ZNRF2: variants seen among roughly 807,000 people sequenced by gnomAD.
ZNRF2 encodes the protein zinc and ring finger 2.
Under a neutral mutation model 20.4 loss-of-function variants are expected in ZNRF2, and 16 were observed. The ratio of observed to expected loss-of-function variants is 0.79; its 90% CI spans 0.53 to 1.19. The LOEUF (loss-of-function observed/expected upper bound fraction) is 1.19. ZNRF2 is among the 50% of genes most tolerant of loss of function. The pLI, the probability that ZNRF2 is intolerant of heterozygous loss-of-function variation, is 0.00. For synonymous variants in ZNRF2, 178 were observed against 144.9 expected (o/e 1.23, Z -1.64); for missense variants, 363 against 332.4 (o/e 1.09, Z -0.72).
At chr7:30,320,265 T>C (rs1799448574) in intron 1 of ZNRF2, among the ~76,000 whole-genome samples, 1 of 152,126 alleles carries the variant, frequency 6.6e-6, no homozygotes, top group South Asian at 2.1e-4. Context: ...TCTATATAAA[T>C]AATTTATCGA....
At chr7:30,318,957 C>G (rs1562611320) in intron 1 of ZNRF2, among the ~76,000 whole-genome samples, 1 of 151,846 alleles carries the variant, frequency 6.6e-6, no homozygotes, top group Non-Finnish European at 1.5e-5. Context: ...ACTAAAAATA[C>G]AAAAATTAGC....
Position 30,367,656 on chromosome 7 carries a change from T to C in ZNRF2, c.*1644T>C, listed in dbSNP as rs1375882722. The C allele has an allele frequency of 1.3e-5, 2 of 152,026 alleles. No homozygotes were observed. Among genetic ancestry groups the C allele is most frequent in the African/African-American group, 2.4e-5 (1 of 41,432 alleles). The allele number at this position is 152,026 out of a possible 1,614,324, so 9.4% of individuals were successfully genotyped here. On this transcript the variant is annotated 3_prime_UTR_variant, in exon 5 of 5. Coordinates refer to ENST00000323037, the MANE Select transcript of ZNRF2 (RefSeq NM_147128.4). ...GCTACCCAGAAAAATGTGTGTATTA[T>C]AAATAATTAAAGAGTTTTTAATTGC...
At chr7:30,365,052 A>G (rs1366209007) in intron 4 of ZNRF2, among the ~76,000 whole-genome samples, 1 of 151,996 alleles carries the variant, frequency 6.6e-6, no homozygotes, top group African/African-American at 2.4e-5. Flanking sequence ...ATCATGTCCC[A>G]AAGGCCCCAC....
chr7:30,320,195 A>G (rs955173006), intron 1 of ZNRF2, among the ~76,000 whole-genome samples: 5 of 152,066 alleles, frequency 3.3e-5, no homozygotes, highest in East Asian at 3.8e-4. Flanking sequence ...ATAATTATCT[A>G]TATATGTTAT....
intron 2 of ZNRF2, among the ~76,000 whole-genome samples, chr7:30,349,281 C>A (rs1316968868): frequency 6.6e-6 from 1 of 152,120 alleles, no homozygotes; most frequent in Non-Finnish European, 1.5e-5. Context: ...CAAGCCTGTT[C>A]TTTTTCCATG....
chr7:30,362,334 T>C (rs751465896), intron 3 of ZNRF2, 43 bp from the exon 4 acceptor site: 12 of 1,317,348 alleles, frequency 9.1e-6, no homozygotes, highest in Non-Finnish European at 1.1e-5. Flanking sequence ...ATATAAATAA[T>C]TAGTATAAGT....
chr7:30,335,978 G>C (rs1799711189), intron 2 of ZNRF2, among the ~76,000 whole-genome samples: 2 of 152,154 alleles, frequency 1.3e-5, no homozygotes, highest in Non-Finnish European at 2.9e-5. Flanking sequence ...GTTAGCAGTG[G>C]AGTGACTCAA....
intron 1 of ZNRF2, chr7:30,288,692 G>C (rs1798842120): frequency 6.6e-6 from 1 of 152,206 alleles, no homozygotes; most frequent in Non-Finnish European, 1.5e-5. Flanking sequence ...CCAGACATCA[G>C]AATGTGATTA....
chr7:30,295,050 A>AGAGAGAGAGAGTGTGTGT (rs1412764480), intron 1 of ZNRF2, among the ~76,000 whole-genome samples: 2 of 38,278 alleles, frequency 5.2e-5, no homozygotes. Flanking sequence ...AGAGAGAGAG[A>AGAGAGAGAGAGTGTGTGT]GTGTGTGTGT....
At chr7:30,322,431 CT>C (rs965155336) in intron 1 of ZNRF2, among the ~76,000 whole-genome samples, 14 of 152,146 alleles carry the variant, frequency 9.2e-5, no homozygotes, top group African/African-American at 3.1e-4. Flanking sequence ...CAAAACGTCT[CT>C]TTCACCACCC....
intron 2 of ZNRF2, among the ~76,000 whole-genome samples, chr7:30,349,627 CTT>C (rs1051038483): frequency 6.6e-6 from 1 of 151,648 alleles, no homozygotes; most frequent in Non-Finnish European, 1.5e-5. Context: ...TTGCTGGACT[CTT>C]TTATTGCCAC....
intron 4 of ZNRF2, among the ~76,000 whole-genome samples, chr7:30,362,686 A>G (rs1203906187): frequency 6.6e-6 from 1 of 152,048 alleles, no homozygotes; most frequent in Non-Finnish European, 1.5e-5. Context: ...GGCCTCAGGC[A>G]GGTGGATCAC....
intron 1 of ZNRF2, among the ~76,000 whole-genome samples, chr7:30,295,763 A>G (rs937663288): frequency 1.3e-5 from 2 of 152,212 alleles, no homozygotes; most frequent in African/African-American, 4.8e-5. Flanking sequence ...AGTAGTCCAC[A>G]TACTTCATAT....
chr7:30,349,627 C>T lies in ZNRF2; in HGVS notation c.566-6101C>T, dbSNP rs1799933961. On this transcript the variant is annotated intron_variant, in intron 2 of 4. Coordinates refer to ENST00000323037, the MANE Select transcript of ZNRF2 (RefSeq NM_147128.4). ...TACGTATTACCCAGATTGCTGGACT[C>T]TTTTATTGCCACTATGAGCCTACAT... Among the ~76,000 whole-genome samples the T allele has an allele frequency of 2.6e-5, 4 of 151,648 alleles. No individual in the cohort carries two copies. The South Asian group carries it at 8.3e-4, about 31-fold the overall frequency.
chr7:30,342,904 G>A (rs1010558820), intron 2 of ZNRF2, among the ~76,000 whole-genome samples: 1 of 151,868 alleles, frequency 6.6e-6, no homozygotes, highest in African/African-American at 2.4e-5. Flanking sequence ...TTTTCCCCCT[G>A]GTTTTGCTAT....
intron 3 of ZNRF2, 148 bp from the exon 4 acceptor site, chr7:30,362,229 A>G (rs1800137887): frequency 2.1e-6 from 1 of 467,330 alleles, no homozygotes; most frequent in Non-Finnish European, 3.8e-6. Context: ...AAACATTCTT[A>G]TCTGTTGCTT....
intron 1 of ZNRF2, among the ~76,000 whole-genome samples, chr7:30,305,594 C>T (rs1230457759): frequency 6.6e-6 from 1 of 152,006 alleles, no homozygotes; most frequent in Admixed American, 6.6e-5. Context: ...ATTTCTTGAA[C>T]TCATTTTAGC....
rs1204005810 is a variant in ZNRF2, at chr7:30,285,287, C to T, written c.-71C>T. 5 of 1,027,398 alleles carry T rather than the reference C, an allele frequency of 4.9e-6. No homozygotes were observed. Among genetic ancestry groups the T allele is most frequent in the Non-Finnish European group, 5.9e-6 (5 of 853,554 alleles). The allele number at this position is 1,027,398 out of a possible 1,614,324, so 63.6% of individuals were successfully genotyped here. ...GCGGCGCCTGGGCCCTGCCCTCTAG[C>T]TCCCGCGCTCGCTCCCGCCCTCCCG... On this transcript the variant is annotated 5_prime_UTR_variant, in exon 1 of 5. Transcript: ENST00000323037.
intron 2 of ZNRF2, among the ~76,000 whole-genome samples, chr7:30,337,231 C>T (rs1799730828): frequency 6.6e-6 from 1 of 152,112 alleles, no homozygotes; most frequent in South Asian, 2.1e-4. Flanking sequence ...TCATCTCTAT[C>T]CCATGTAAGG....
Sources: allele counts gnomAD v4.1 joint callset (sites outside exome capture counted in the v4.1 genomes callset), GRCh38; gene constraint gnomAD v4.1.1; transcripts MANE v1.5; gene names NCBI Gene and HGNC (gene_info 2026-07-23, HGNC 2026-07-21).